Variants in TUBA1C observed in about 807,000 individuals in gnomAD.
The protein encoded by TUBA1C is tubulin alpha 1c.
TUBA1C carries 16 observed loss-of-function variants against 34.9 expected under a neutral mutation model. The ratio of observed to expected loss-of-function variants is 0.46; its 90% CI spans 0.31 to 0.70. The LOEUF (loss-of-function observed/expected upper bound fraction) is 0.70, where lower values mean the gene tolerates loss of function less well. TUBA1C is among the 30% of genes least tolerant of loss of function. TUBA1C has a pLI of 0.05. For missense variants in TUBA1C, 329 were observed against 587.3 expected, an observed-to-expected ratio of 0.56 and a Z score of 4.55; for synonymous variants, 177 against 215.9, an observed-to-expected ratio of 0.82 and a Z score of 1.58.
intron 1 of TUBA1C, among the ~76,000 whole-genome samples, chr12:49,235,550 C>T (rs1942545357): frequency 1.3e-5 from 2 of 152,014 alleles, no homozygotes; most frequent in African/African-American, 4.8e-5. Context: ...GTCTGGCCAA[C>T]ATGGTGAAAC....
upstream of TUBA1C, among the ~76,000 whole-genome samples, chr12:49,261,346 A>G (rs116042975): frequency 0.012 from 1,816 of 152,288 alleles, 32 homozygotes; most frequent in African/African-American, 0.041. Flanking sequence ...TAACCTTACC[A>G]TAGGACTACA....
intron 1 of TUBA1C, among the ~76,000 whole-genome samples, chr12:49,237,737 CAA>C (rs1453332823): frequency 3.1e-5 from 2 of 64,018 alleles, no homozygotes; most frequent in African/African-American, 6.5e-5. Flanking sequence ...GAGACCCTGT[CAA>C]AAAAAAAAAA....
chr12:49,252,279 T>C (rs1942738978), intron 1 of TUBA1C, among the ~76,000 whole-genome samples: 1 of 152,232 alleles, frequency 6.6e-6, no homozygotes, highest in South Asian at 2.1e-4. Context: ...TCTTTCCTAA[T>C]AAAATATGTA....
chr12:49,258,877 C>T (rs1009450966), intron 1 of TUBA1C, among the ~76,000 whole-genome samples: 11 of 151,892 alleles, frequency 7.2e-5, no homozygotes, highest in African/African-American at 2.4e-4. Flanking sequence ...TTGCCTCAGC[C>T]TCCCGAGTAG....
chr12:49,246,436 T>C (rs1267727211), intron 1 of TUBA1C, among the ~76,000 whole-genome samples: 2 of 151,106 alleles, frequency 1.3e-5, no homozygotes, highest in East Asian at 2.0e-4. Context: ...TCCCAGCACT[T>C]TGGGAGGCCG....
At chr12:49,236,324 T>A (rs983725330) in intron 1 of TUBA1C, among the ~76,000 whole-genome samples, 1 of 152,200 alleles carries the variant, frequency 6.6e-6, no homozygotes, top group Admixed American at 6.5e-5. Context: ...TTGGGAGAAC[T>A]GGTAGAAAGC....
intron 3 of TUBA1C, 86 bp from the exon 4 acceptor site, chr12:49,272,167 T>C: frequency 4.6e-6 from 7 of 1,526,704 alleles, no homozygotes; most frequent in Non-Finnish European, 5.3e-6. Flanking sequence ...AGCCATAGAT[T>C]TATAGAAGTC....
chr12:49,272,993 G>C lies in TUBA1C; in HGVS notation c.1116G>C (p.Gln372His), dbSNP rs1209705062. ...CTGGCGGAGACCTGGCCAAGGTACA[G>C]AGAGCTGTGTGCATGCTGAGCAATA... The part of the protein sequence containing the change: ...VVPGGDLAKV[Q>H]RAVCMLSNTT... The change falls in exon 4 of 4, where the codon CAG (glutamine) becomes CAC (histidine). Residue 372 changes from glutamine to histidine, a missense_variant. This residue lies in a region of TUBA1C where 140 missense variants were observed against 289.8 expected (regional missense o/e 0.48). Coordinates refer to ENST00000301072, the MANE Select transcript of TUBA1C (RefSeq NM_032704.5). 15 of 1,614,266 alleles carry C rather than the reference G, an allele frequency of 9.3e-6. No homozygotes were observed. The highest frequency in any genetic ancestry group is 1.3e-5 in the Non-Finnish European group (15 of 1,180,046).
At chr12:49,252,721 C>T (rs1002244552) in intron 1 of TUBA1C, among the ~76,000 whole-genome samples, 4 of 152,154 alleles carry the variant, frequency 2.6e-5, no homozygotes, top group African/African-American at 4.8e-5. Context: ...ACCATCCTCA[C>T]TAACATGGTG....
intron 1 of TUBA1C, among the ~76,000 whole-genome samples, chr12:49,247,576 C>A (rs1379110414): frequency 2.6e-5 from 4 of 151,926 alleles, no homozygotes; most frequent in African/African-American, 7.3e-5. Flanking sequence ...TGCACTCTAG[C>A]CTGGGCAACA....
chr12:49,272,880 A>T lies in TUBA1C; in HGVS notation c.1003A>T (p.Ile335Phe). 6.2e-7 allele frequency: 1 copy of T among 1,614,174 alleles called. No homozygotes were observed. Among genetic ancestry groups the T allele is most frequent in the Non-Finnish European group, 8.5e-7 (1 of 1,180,010 alleles). Residue 335 changes from isoleucine (I) to phenylalanine (F), a missense_variant, in exon 4 of 4, where the codon ATC becomes TTC. Ile to Phe is a conservative substitution (Grantham distance 21). This residue lies in a region of TUBA1C where 140 missense variants were observed against 289.8 expected (regional missense o/e 0.48). Coordinates refer to ENST00000301072, the MANE Select transcript of TUBA1C (RefSeq NM_032704.5). ...PKDVNAAIATIKTKRTIQFVD... is the reference protein window; with the variant it reads ...PKDVNAAIATFKTKRTIQFVD... ...AGATGTCAATGCTGCCATTGCCACC[A>T]TCAAAACCAAGCGTACCATCCAGTT...
chr12:49,263,023 CTTT>C (rs758187649), upstream of TUBA1C, among the ~76,000 whole-genome samples: 4 of 117,108 alleles, frequency 3.4e-5, no homozygotes, highest in Admixed American at 2.7e-4. Context: ...GAGAATTACT[CTTT>C]TTTTTTTTTT....
intron 1 of TUBA1C, among the ~76,000 whole-genome samples, chr12:49,248,067 G>A (rs1942691338): frequency 1.3e-5 from 2 of 151,774 alleles, no homozygotes; most frequent in East Asian, 3.9e-4. Flanking sequence ...ACGAGGTCAG[G>A]AGATCGAGAC....
intron 2 of TUBA1C, 70 bp from the exon 3 acceptor site, chr12:49,269,758 C>A: frequency 7.4e-6 from 12 of 1,613,182 alleles, no homozygotes; most frequent in Non-Finnish European, 1.0e-5. Context: ...GGGGGGGCTC[C>A]GCTGGTCACT....
chr12:49,261,878 T>C (rs1251219760), upstream of TUBA1C, among the ~76,000 whole-genome samples: 1 of 152,220 alleles, frequency 6.6e-6, no homozygotes, highest in Non-Finnish European at 1.5e-5. Flanking sequence ...CATTGTAAGA[T>C]TACAACGAAA....
chr12:49,246,858 A>G (rs1942674873), intron 1 of TUBA1C, among the ~76,000 whole-genome samples: 2 of 151,840 alleles, frequency 1.3e-5, no homozygotes, highest in African/African-American at 4.8e-5. Context: ...AAAAAGTAAA[A>G]CAAGGCCGGG....
intron 1 of TUBA1C, among the ~76,000 whole-genome samples, chr12:49,228,924 C>A (rs1942466490): frequency 6.6e-6 from 1 of 152,278 alleles, no homozygotes; most frequent in Non-Finnish European, 1.5e-5. Context: ...GAAACCAGCC[C>A]AAGGTTACAG....
At chr12:49,266,068 T>G (rs1942906601) in intron 1 of TUBA1C, among the ~76,000 whole-genome samples, 1 of 147,868 alleles carries the variant, frequency 6.8e-6, no homozygotes, top group South Asian at 2.1e-4. Context: ...AGGCGTAGGT[T>G]TCCCTGAGCC....
At position 49,274,357 on chromosome 12, in the gene TUBA1C, A is replaced by G. The variant is rs1468525910; in HGVS notation, c.*1130A>G. Reference sequence around the variant, plus strand: ...GCCATGTTGCTTAGGCTGGCCTTGAACTCCTGGGCTCAGGCAATCCTGCCT... The same window carrying G: ...GCCATGTTGCTTAGGCTGGCCTTGAGCTCCTGGGCTCAGGCAATCCTGCCT... On this transcript the variant is annotated 3_prime_UTR_variant, in exon 4 of 4. Transcript: ENST00000301072. The G allele has an allele frequency of 1.6e-5, 2 of 126,198 alleles. No homozygotes were observed. Among genetic ancestry groups the G allele is most frequent in the African/African-American group, 6.4e-5 (2 of 31,404 alleles). The allele number at this position is 126,198 out of a possible 1,614,324, so 7.8% of individuals were successfully genotyped here.
Sources: allele counts gnomAD v4.1 joint callset (sites outside exome capture counted in the v4.1 genomes callset), GRCh38; gene constraint gnomAD v4.1.1; regional missense constraint gnomAD v4.1.1; transcripts MANE v1.5; gene names NCBI Gene and HGNC (gene_info 2026-07-23, HGNC 2026-07-21).